The following SNX25 variants were observed in gnomAD, a reference collection of about 807,000 sequenced individuals.
SNX25 encodes the protein sorting nexin-25.
SNX25 carries 62 observed loss-of-function variants against 113.7 expected under a neutral mutation model. The observed-to-expected ratio is 0.55, with a 90% CI of 0.44 to 0.67. The LOEUF (loss-of-function observed/expected upper bound fraction) is 0.67, where lower values mean the gene tolerates loss of function less well. Ranked by LOEUF, SNX25 falls within the 30% of genes least tolerant of loss-of-function variation. The pLI is 0.00. For missense variants in SNX25, 1,014 were observed against 1,161.0 expected (o/e 0.87, Z 1.84); for synonymous variants, 421 against 436.2 (o/e 0.97, Z 0.43).
intron 9 of SNX25, among the ~76,000 whole-genome samples, chr4:185,332,369 T>C (rs560595043): frequency 6.6e-6 from 1 of 152,314 alleles, no homozygotes; most frequent in African/African-American, 2.4e-5. Context: ...TTTCCCCTCC[T>C]TTCTTTAAGC....
chr4:185,240,860 C>A (rs1223074377), intron 1 of SNX25, among the ~76,000 whole-genome samples: 1 of 148,242 alleles, frequency 6.7e-6, no homozygotes, highest in African/African-American at 2.5e-5. Flanking sequence ...CGGGCAGAGA[C>A]GCTCCTCACA....
intron 5 of SNX25, among the ~76,000 whole-genome samples, chr4:185,283,263 G>T (rs1200716432): frequency 1.3e-5 from 2 of 152,234 alleles, no homozygotes; most frequent in Non-Finnish European, 2.9e-5. Context: ...CACCAAGGAA[G>T]TGGGTAGGAG....
chr4:185,230,264 T>C (rs898373888), intron 1 of SNX25, among the ~76,000 whole-genome samples: 15 of 152,258 alleles, frequency 9.9e-5, no homozygotes, highest in African/African-American at 3.6e-4. Flanking sequence ...CTTGTCTTTA[T>C]GAACATACAA....
In SNX25 at chr4:185,363,051, TG is replaced by T. The variant is rs1211903318; in HGVS notation, c.2935-331del. Among the ~76,000 whole-genome samples, 30 of 152,068 alleles carry T rather than the reference TG, an allele frequency of 2.0e-4. No individual in the cohort carries two copies. Among genetic ancestry groups the T allele is most frequent in the African/African-American group, 7.0e-4 (29 of 41,502 alleles). On this transcript the variant is annotated intron_variant, in intron 18 of 18. Coordinates refer to ENST00000652585, the MANE Select transcript of SNX25 (RefSeq NM_001378034.2). The surrounding 1 kb of genome is among the most constrained non-coding windows in gnomAD (Gnocchi z 4.2). ...AGAGATGGGGTTTCGCCATGTTGGC[TG>T]GGATGGTCTCTAACTCCTGACCTCA...
intron 1 of SNX25, among the ~76,000 whole-genome samples, chr4:185,233,830 CAATTG>C (rs770550410): frequency 4.6e-5 from 7 of 151,474 alleles, no homozygotes; most frequent in Non-Finnish European, 1.0e-4. Flanking sequence ...CTAATTCTTC[CAATTG>C]AATGGAAAAA....
chr4:185,309,678 G>A (rs955694348), intron 6 of SNX25, among the ~76,000 whole-genome samples: 7 of 152,280 alleles, frequency 4.6e-5, no homozygotes, highest in Middle Eastern at 3.4e-3. Flanking sequence ...CTACTGGCCT[G>A]CCATAACCCT....
In SNX25 at chr4:185,209,931, G is replaced by T. The variant is rs955567613; in HGVS notation, c.105G>T (p.Pro35=). Residue 35 remains proline, a synonymous_variant, in exon 1 of 19, where the codon CCG becomes CCT. Coordinates refer to ENST00000652585, the MANE Select transcript of SNX25 (RefSeq NM_001378034.2). This position sits in a 1 kb window ranked among gnomAD's most constrained non-coding sequence, Gnocchi z 5.2. ...PVSGFRGERR[P]ESPGDAEAAA... The stretch of plus-strand genomic sequence containing the variant: ...CGGGCTTCAGGGGCGAGCGGCGGCC[G>T]GAGTCCCCGGGGGACGCGGAGGCAG... 9 of 983,632 alleles carry T rather than the reference G, an allele frequency of 9.1e-6. No individual in the cohort carries two copies. The highest frequency in any genetic ancestry group is 1.1e-5 in the Non-Finnish European group (9 of 829,236). The allele number at this position is 983,632 out of a possible 1,614,324, so 60.9% of individuals were successfully genotyped here. A position where few individuals can be genotyped will look rare whatever the true frequency, so the allele number is the denominator to read the frequency against.
At chr4:185,266,742 A>G (rs1748146775) in intron 4 of SNX25, among the ~76,000 whole-genome samples, 1 of 152,200 alleles carries the variant, frequency 6.6e-6, no homozygotes, top group African/African-American at 2.4e-5. Context: ...TTATTTATTA[A>G]AATGACAACT....
chr4:185,278,185 CCACA>C (rs1750027627), intron 5 of SNX25, among the ~76,000 whole-genome samples: 1 of 152,180 alleles, frequency 6.6e-6, no homozygotes, highest in African/African-American at 2.4e-5. Context: ...TAAGCGGTAG[CCACA>C]TGTTCTGTCT....
downstream of SNX25, among the ~76,000 whole-genome samples, chr4:185,374,924 T>G (rs2095428126): frequency 6.6e-6 from 1 of 152,094 alleles, no homozygotes; most frequent in Non-Finnish European, 1.5e-5. Context: ...TACTGTGTGC[T>G]CATAGTTTGT....
downstream of SNX25, chr4:185,370,489 C>A: frequency 1.4e-6 from 1 of 710,564 alleles, no homozygotes; most frequent in Non-Finnish European, 2.3e-6. Flanking sequence ...TGTCTGCAAA[C>A]AATCTGCATG....
chr4:185,351,079 A>G (rs1166431143), intron 13 of SNX25, among the ~76,000 whole-genome samples: 2 of 152,218 alleles, frequency 1.3e-5, no homozygotes, highest in Admixed American at 1.3e-4. Context: ...TAAGTTGGTC[A>G]AACACAGATG....
chr4:185,210,560 T>G lies in SNX25; in HGVS notation c.429+305T>G, dbSNP rs1310371037. Among the ~76,000 whole-genome samples, 2 of 152,142 alleles carry G rather than the reference T, an allele frequency of 1.3e-5. No individual in the cohort carries two copies. The highest frequency in any genetic ancestry group is 2.9e-5 in the Non-Finnish European group (2 of 68,026). ...CCTAAGGGTGTCCCCAGACCTTCGG[T>G]GTCGCTTGCCGTGGGAGGGGAAGAA... On this transcript the variant is annotated intron_variant, in intron 1 of 18. Coordinates refer to ENST00000652585, the MANE Select transcript of SNX25 (RefSeq NM_001378034.2). This position sits in a 1 kb window ranked among gnomAD's most constrained non-coding sequence, Gnocchi z 4.4.
At chr4:185,251,579 G>A (rs1365897350) in intron 2 of SNX25, among the ~76,000 whole-genome samples, 1 of 149,590 alleles carries the variant, frequency 6.7e-6, no homozygotes, top group East Asian at 2.0e-4. Context: ...CCGTTTTCAG[G>A]CTGAATGATA....
At chr4:185,330,225 G>A (rs2095184536) in intron 9 of SNX25, among the ~76,000 whole-genome samples, 1 of 152,172 alleles carries the variant, frequency 6.6e-6, no homozygotes, top group Non-Finnish European at 1.5e-5. Flanking sequence ...TTTATTGCAG[G>A]GTTGGAATGT....
intron 6 of SNX25, among the ~76,000 whole-genome samples, chr4:185,299,861 T>C (rs1485324743): frequency 1.3e-5 from 2 of 152,204 alleles, no homozygotes; most frequent in African/African-American, 4.8e-5. Flanking sequence ...TCATGTTCAT[T>C]CAGCTTACTA....
In SNX25 at chr4:185,267,003, A is replaced by G; in HGVS notation, c.939A>G (p.Pro313=). The G allele has an allele frequency of 6.2e-7, 1 of 1,613,806 alleles. No homozygotes were observed. The highest frequency in any genetic ancestry group is 8.5e-7 in the Non-Finnish European group (1 of 1,179,802). ...LKPVVELLSN[P]DYINQMLLAQ... is the part of the protein sequence containing the mutation. ...CGGTAGTGGAGTTACTGAGTAATCCAGATTACATTAACCAAATGCTGCTTG... is the reference window on the plus strand; with the variant it reads ...CGGTAGTGGAGTTACTGAGTAATCCGGATTACATTAACCAAATGCTGCTTG... Residue 313 remains proline, a synonymous_variant, in exon 5 of 19, where the codon CCA becomes CCG. Transcript: ENST00000652585.
At chr4:185,263,057 C>G (rs1344802098) in intron 3 of SNX25, among the ~76,000 whole-genome samples, 1 of 152,208 alleles carries the variant, frequency 6.6e-6, no homozygotes, top group Non-Finnish European at 1.5e-5. Context: ...AGCCCTCTGG[C>G]CTTTGGCTCA....
rs1430586036 is a variant in SNX25, at chr4:185,346,554, A to C, written c.2205A>C (p.Lys735Asn). ...CCCCACAGTGCGTCCCTTCTTTAAA[A>C]AAAGTCCAGTTGCCTTCTCTTAGCA... is the stretch of plus-strand genomic sequence containing the variant. ...RKLSECVPSL[K>N]KVQLPSLSKL... Residue 735 changes from lysine (K) to asparagine (N), a missense_variant, in exon 13 of 19, where the codon AAA (lysine) becomes AAC (asparagine). Coordinates refer to ENST00000652585, the MANE Select transcript of SNX25 (RefSeq NM_001378034.2). 6.3e-7 allele frequency: 1 copy of C among 1,595,232 alleles called. No individual in the cohort carries two copies. Among genetic ancestry groups the C allele is most frequent in the Non-Finnish European group, 8.5e-7 (1 of 1,175,182 alleles).
Sources: gnomAD v4.1 joint callset for allele counts (sites outside exome capture counted in the v4.1 genomes callset) on GRCh38, gnomAD v4.1.1 for gene constraint, Gnocchi (gnomAD v3.1) non-coding constraint, MANE v1.5 for transcripts, NCBI Gene and HGNC (gene_info 2026-07-23, HGNC 2026-07-21) for gene names.